Variants in DPH6 observed in about 807,000 individuals in gnomAD.
DPH6 encodes diphthine--ammonia ligase.
A neutral mutation model predicts 38.2 loss-of-function variants in DPH6; 33 were observed. That is an observed-to-expected ratio of 0.86 (90% confidence interval 0.65 to 1.15). The LOEUF (loss-of-function observed/expected upper bound fraction) is 1.15, where lower values mean the gene tolerates loss of function less well. DPH6 is among the 50% of genes most tolerant of loss of function. DPH6 has a pLI of 0.00. For synonymous variants in DPH6, 108 were observed against 103.0 expected, an observed-to-expected ratio of 1.05 and a Z score of -0.30; for missense variants, 325 against 320.0, an observed-to-expected ratio of 1.02 and a Z score of -0.12.
intron 3 of DPH6, among the ~76,000 whole-genome samples, chr15:35,311,900 A>G (rs1357605485): frequency 6.6e-6 from 1 of 151,946 alleles, no homozygotes; most frequent in East Asian, 1.9e-4. Context: ...GTTAGCCAAC[A>G]GTAGATGATG....
chr15:35,164,342 T>C, the DPH6 span, among the ~76,000 whole-genome samples: 2 of 151,924 alleles, frequency 1.3e-5, no homozygotes, highest in Non-Finnish European at 2.9e-5. Context: ...GCTTAATTGC[T>C]TGCATACATT....
At chr15:35,292,715 T>G (rs2051988230) in intron 3 of DPH6, among the ~76,000 whole-genome samples, 2 of 152,174 alleles carry the variant, frequency 1.3e-5, no homozygotes, top group Admixed American at 1.3e-4. Flanking sequence ...AAAATGCATA[T>G]TTTTAAAAAA....
intron 3 of DPH6, among the ~76,000 whole-genome samples, chr15:35,233,124 G>A (rs1049650634): frequency 6.6e-6 from 1 of 152,004 alleles, no homozygotes; most frequent in Non-Finnish European, 1.5e-5. Flanking sequence ...CCTGGCCAAT[G>A]TGGTGAAACC....
chr15:35,342,705 GA>G (rs2052431463), intron 3 of DPH6, among the ~76,000 whole-genome samples: 7 of 152,088 alleles, frequency 4.6e-5, no homozygotes, highest in African/African-American at 1.7e-4. Flanking sequence ...TTCATAATAA[GA>G]AGATTAGAAA....
At chr15:35,251,289 C>G (rs551974427) in intron 3 of DPH6, among the ~76,000 whole-genome samples, 79 of 152,262 alleles carry the variant, frequency 5.2e-4, no homozygotes, top group African/African-American at 1.9e-3. Flanking sequence ...CTGCAACTAA[C>G]TGGCTATGGA....
chr15:35,339,226 ACT>A (rs2140875163), intron 3 of DPH6, among the ~76,000 whole-genome samples: 1 of 151,144 alleles, frequency 6.6e-6, no homozygotes, highest in South Asian at 2.1e-4. Flanking sequence ...CCCTCTTAAC[ACT>A]GTTTTAGCTG....
chr15:35,201,241 A>C, the DPH6 span, among the ~76,000 whole-genome samples: 1 of 151,636 alleles, frequency 6.6e-6, no homozygotes, highest in Non-Finnish European at 1.5e-5. Context: ...CCTTCACCAG[A>C]TAATCTACCC....
chr15:35,435,258 G>T (rs2053682803), intron 5 of DPH6, among the ~76,000 whole-genome samples: 1 of 152,110 alleles, frequency 6.6e-6, no homozygotes, highest in African/African-American at 2.4e-5. Context: ...TTGACCTAAA[G>T]GTATCTCTGT....
chr15:35,312,010 G>GAAAAAAAAAAAAAAAAAAAAAATA (rs2052146949), intron 3 of DPH6, among the ~76,000 whole-genome samples: 1 of 102,142 alleles, frequency 9.8e-6, no homozygotes, highest in African/African-American at 3.6e-5. Flanking sequence ...TTAAGAAAAT[G>GAAAAAAAAAAAAAAAAAAAAAATA]AAAAAAAAAA....
chr15:35,369,244 T>C (rs1027641305), downstream of DPH6, among the ~76,000 whole-genome samples: 4 of 151,748 alleles, frequency 2.6e-5, no homozygotes, highest in African/African-American at 9.7e-5. Flanking sequence ...AGATTGCAAA[T>C]GTGTTATAAA....
chr15:35,479,172 C>T (rs1276745626), intron 3 of DPH6, among the ~76,000 whole-genome samples: 4 of 152,020 alleles, frequency 2.6e-5, no homozygotes, highest in African/African-American at 9.7e-5. Flanking sequence ...TTCTTTTTCA[C>T]TGAGTGCAAC....
chr15:35,213,364 T>C (rs1249959159), downstream of DPH6, among the ~76,000 whole-genome samples: 1 of 152,212 alleles, frequency 6.6e-6, no homozygotes, highest in Non-Finnish European at 1.5e-5. Flanking sequence ...ATTAAGTCCA[T>C]AAATAAAGAA....
intron 6 of DPH6, among the ~76,000 whole-genome samples, chr15:35,385,623 G>T (rs1177794579): frequency 6.6e-6 from 1 of 152,038 alleles, no homozygotes; most frequent in Non-Finnish European, 1.5e-5. Context: ...AGGGGGTCAG[G>T]GGCTAGGGGA....
the DPH6 span, among the ~76,000 whole-genome samples, chr15:35,177,916 T>C: frequency 6.6e-6 from 1 of 151,564 alleles, no homozygotes; most frequent in African/African-American, 2.4e-5. Flanking sequence ...CACTCCAGCC[T>C]GGACAACAAG....
chr15:35,283,588 C>T (rs752433110), intron 3 of DPH6, among the ~76,000 whole-genome samples: 2 of 152,172 alleles, frequency 1.3e-5, no homozygotes, highest in Non-Finnish European at 2.9e-5. Flanking sequence ...AGCTACCACA[C>T]CCGGCCCCTG....
intron 3 of DPH6, among the ~76,000 whole-genome samples, chr15:35,459,738 A>C (rs935474672): frequency 5.3e-5 from 8 of 152,164 alleles, no homozygotes; most frequent in African/African-American, 9.7e-5. Context: ...AAGACGTTCG[A>C]AAAGAGTGGT....
chr15:35,401,011 T>C, intron 6 of DPH6: 3 of 904,716 alleles, frequency 3.3e-6, no homozygotes, highest in Non-Finnish European at 5.5e-6. Context: ...AAGACATTTG[T>C]TGCTGGCATT....
intron 5 of DPH6, among the ~76,000 whole-genome samples, chr15:35,414,164 G>C (rs1471653436): frequency 6.6e-6 from 1 of 151,530 alleles, no homozygotes; most frequent in African/African-American, 2.4e-5. Flanking sequence ...ATTTCTCCTT[G>C]AATCAATCTA....
In DPH6 at chr15:35,459,181, T is replaced by C. The variant is rs551620432; in HGVS notation, c.313-4361A>G. On this transcript the variant is annotated intron_variant, in intron 3 of 8. Coordinates refer to ENST00000256538, the MANE Select transcript of DPH6 (RefSeq NM_080650.4). ...ACAGAAATTTACTTTCTCACAGTTA[T>C]GGAGGCCAGAAGTCTAAGCTCAAGA... is the stretch of plus-strand genomic sequence containing the variant. Among the ~76,000 whole-genome samples the C allele has an allele frequency of 5.9e-5, 9 of 152,204 alleles. 1 individual carries two copies. Among genetic ancestry groups the C allele is most frequent in the Admixed American group, 2.0e-4 (3 of 15,282 alleles).
Sources: gnomAD v4.1 joint callset for allele counts (sites outside exome capture counted in the v4.1 genomes callset) on GRCh38, gnomAD v4.1.1 for gene constraint, MANE v1.5 for transcripts, NCBI Gene and HGNC (gene_info 2026-07-23, HGNC 2026-07-21) for gene names.